Variants in PLXND1 observed in about 807,000 individuals in gnomAD.
The protein encoded by PLXND1 is plexin D1.
A neutral mutation model predicts 197.7 loss-of-function variants in PLXND1; 54 were observed. That is an observed-to-expected ratio of 0.27 (90% confidence interval 0.22 to 0.34). PLXND1 has a LOEUF of 0.34. PLXND1 is among the 10% of genes least tolerant of loss of function. PLXND1 has a pLI of 1.00. For synonymous variants in PLXND1, 1,180 were observed against 1,161.2 expected, an observed-to-expected ratio of 1.02 and a Z score of -0.33; for missense variants, 2,127 against 2,699.2, an observed-to-expected ratio of 0.79 and a Z score of 4.70.
chr3:129,584,316 G>A, intron 6 of PLXND1, 69 bp downstream of exon 6: 2 of 1,596,594 alleles, frequency 1.3e-6, no homozygotes, highest in Non-Finnish European at 1.7e-6. Flanking sequence ...CTGGCCCCCT[G>A]CCATCCCCAT....
intron 1 of PLXND1, among the ~76,000 whole-genome samples, chr3:129,601,551 A>G (rs983262213): frequency 6.6e-6 from 1 of 152,120 alleles, no homozygotes; most frequent in Non-Finnish European, 1.5e-5. Flanking sequence ...GTCCTGCCCC[A>G]TGTGCAGCCC....
intron 1 of PLXND1, among the ~76,000 whole-genome samples, chr3:129,590,210 G>A (rs2085519240): frequency 1.3e-5 from 2 of 152,250 alleles, no homozygotes; most frequent in African/African-American, 4.8e-5. Flanking sequence ...TGAATGCACA[G>A]TCCCATGTCC....
At chr3:129,605,114 C>T (rs1406705809) in intron 1 of PLXND1, among the ~76,000 whole-genome samples, 1 of 152,230 alleles carries the variant, frequency 6.6e-6, no homozygotes, top group African/African-American at 2.4e-5. Context: ...TCACTTGAGT[C>T]CCTGCACATG....
intron 11 of PLXND1, among the ~76,000 whole-genome samples, chr3:129,575,082 G>A (rs1053139229): frequency 7.9e-5 from 12 of 152,180 alleles, no homozygotes; most frequent in Non-Finnish European, 1.3e-4. Context: ...GAACAGAGGA[G>A]CCCCTGGAGA....
intron 2 of PLXND1, 28 bp downstream of exon 2, chr3:129,589,323 C>CCCCCCCAAA: frequency 9.6e-7 from 1 of 1,044,016 alleles, no homozygotes; most frequent in Non-Finnish European, 1.4e-6. Flanking sequence ...CACCCCCACC[C>CCCCCCCAAA]CCTCCCCACA....
chr3:129,561,043 C>T (rs1363208514), intron 29 of PLXND1: 10 of 515,564 alleles, frequency 1.9e-5, no homozygotes, highest in South Asian at 4.6e-5. Context: ...CACAGTGACC[C>T]GGGATGGAGG....
At chr3:129,598,306 T>C (rs766753622) in intron 1 of PLXND1, among the ~76,000 whole-genome samples, 1 of 151,992 alleles carries the variant, frequency 6.6e-6, no homozygotes, top group Non-Finnish European at 1.5e-5. Flanking sequence ...ATGAGCTGGT[T>C]AGTGTGTGGC....
chr3:129,605,446 G>A lies in PLXND1; in HGVS notation c.1194C>T (p.Ala398=). ...AGGCGGTGCGCGCAGCTCGGATGGC[G>A]GCTCGCACGTCGGCGAAGCGGAAGG... ...LCAFRFADVR[A]AIRAARTACF... is the part of the protein sequence containing the mutation. The change falls in exon 1 of 36, where the codon GCC becomes GCT. Residue 398 remains alanine (A), a synonymous_variant. Coordinates refer to ENST00000324093, the MANE Select transcript of PLXND1 (RefSeq NM_015103.3). 1 of 1,502,364 alleles carries A rather than the reference G, an allele frequency of 6.7e-7. No homozygotes were observed. Among genetic ancestry groups the A allele is most frequent in the Non-Finnish European group, 8.8e-7 (1 of 1,133,258 alleles). The allele number at this position is 1,502,364 out of a possible 1,614,324, so 93.1% of individuals were successfully genotyped here.
At chr3:129,572,052 T>A (rs1358744284) in intron 15 of PLXND1, among the ~76,000 whole-genome samples, 1 of 152,144 alleles carries the variant, frequency 6.6e-6, no homozygotes, top group Non-Finnish European at 1.5e-5. Context: ...CCAGGAAGCC[T>A]TCCCAGGTCT....
chr3:129,564,080 C>T (rs976514602), intron 25 of PLXND1, among the ~76,000 whole-genome samples: 1 of 152,224 alleles, frequency 6.6e-6, no homozygotes, highest in Non-Finnish European at 1.5e-5. Context: ...GGTCCAGGGT[C>T]CACAGTGGCC....
intron 5 of PLXND1, 47 bp from the exon 6 acceptor site, chr3:129,584,609 C>G: frequency 3.2e-6 from 5 of 1,544,104 alleles, no homozygotes; most frequent in Non-Finnish European, 4.4e-6. Context: ...CTATGCTCCT[C>G]ACAGCCTGCC....
At chr3:129,605,037 C>T (rs2085762894) in intron 1 of PLXND1, among the ~76,000 whole-genome samples, 1 of 152,208 alleles carries the variant, frequency 6.6e-6, no homozygotes, top group African/African-American at 2.4e-5. Flanking sequence ...TTTATGCGCA[C>T]CTGGGTACCT....
Position 129,589,525 on chromosome 3 carries a change from G to A in PLXND1, c.1314C>T (p.Leu438=). The change falls in exon 2 of 36, where the codon CTC becomes CTT. Residue 438 remains leucine, a splice_region_variant and synonymous_variant. Transcript: ENST00000324093. ...PACERKLNIQ[L]QPEQLDCGAA... ...CTCCACAGTCCAGCTGCTCTGGCTGGAGCTGGAAGAGGAACGGCACGTCAG... is the reference window on the plus strand; with the variant it reads ...CTCCACAGTCCAGCTGCTCTGGCTGAAGCTGGAAGAGGAACGGCACGTCAG... The A allele has an allele frequency of 6.3e-7, 1 of 1,576,918 alleles. No individual in the cohort carries two copies. The highest frequency in any genetic ancestry group is 8.6e-7 in the Non-Finnish European group (1 of 1,162,700).
At position 129,583,682 on chromosome 3, in the gene PLXND1, G is replaced by A; in HGVS notation, c.2139-13C>T. The stretch of plus-strand genomic sequence containing the variant: ...GCAGCTGGTACAGCTGGAAGACAAG[G>A]AGGCCCCTCAACTCCTGGTTCCCCA... On this transcript the variant is annotated splice_polypyrimidine_tract_variant and intron_variant, in intron 7 of 35. Coordinates refer to ENST00000324093, the MANE Select transcript of PLXND1 (RefSeq NM_015103.3). 6.3e-7 allele frequency: 1 copy of A among 1,591,918 alleles called. No individual in the cohort carries two copies. The highest frequency in any genetic ancestry group is 1.3e-5 in the African/African-American group (1 of 74,430).
In PLXND1 at chr3:129,599,274, G is replaced by A. The variant is rs552915920; in HGVS notation, c.1311+6055C>T. On this transcript the variant is annotated intron_variant, in intron 1 of 35. Coordinates refer to ENST00000324093, the MANE Select transcript of PLXND1 (RefSeq NM_015103.3). ...GGCGTTTCTGCCGGGCCCGATGCGCGTGGCCCTTGCTGAATGCCGCCAGGC... is the reference window on the plus strand; with the variant it reads ...GGCGTTTCTGCCGGGCCCGATGCGCATGGCCCTTGCTGAATGCCGCCAGGC... 3.9e-5 allele frequency among the ~76,000 whole-genome samples: 6 copies of A among 152,366 alleles called. No individual in the cohort carries two copies. In the East Asian group the frequency reaches 5.8e-4, roughly 15 times the overall value.
rs142760733 is a variant in PLXND1 at position 129,579,950 on chromosome 3, A to G, written c.2242-1517T>C. Reference sequence around the variant, plus strand: ...ACAAGAACTGATGACGATAATGCTAATAACAGTGGCAGTCACCAGCTCATC... The same window carrying G: ...ACAAGAACTGATGACGATAATGCTAGTAACAGTGGCAGTCACCAGCTCATC... On this transcript the variant is annotated intron_variant, in intron 8 of 35. Transcript: ENST00000324093. Among the ~76,000 whole-genome samples, 11 of 152,296 alleles carry G rather than the reference A, an allele frequency of 7.2e-5. No individual in the cohort carries two copies. In the East Asian group the frequency reaches 1.2e-3, roughly 16 times the overall value.
At chr3:129,588,974 C>T (rs1231629616) in intron 2 of PLXND1, among the ~76,000 whole-genome samples, 1 of 152,206 alleles carries the variant, frequency 6.6e-6, no homozygotes, top group African/African-American at 2.4e-5. Context: ...CAACAGCTTA[C>T]AGCCCTTGAC....
At chr3:129,569,525 T>G (rs1200824139) in intron 20 of PLXND1, 1 of 293,656 alleles carries the variant, frequency 3.4e-6, no homozygotes, top group Non-Finnish European at 6.5e-6. Context: ...TAATTTTTCC[T>G]GAGTAATCCT....
Position 129,572,854 on chromosome 3 carries a change from G to A in PLXND1, c.2925C>T (p.Arg975=), listed in dbSNP as rs2085256880. ...AGCCCCCCCTTACCACGTAGGAGAA[G>A]CGGTCCCGGGACTTGCCCTCCTTAG... ...NASKEGKSRD[R]FSYVLPLVHS... is the part of the protein sequence containing the mutation. Residue 975 remains arginine (R), a synonymous_variant, in exon 14 of 36, where the codon CGC becomes CGT. Transcript: ENST00000324093. 1 of 1,613,750 alleles carries A rather than the reference G, an allele frequency of 6.2e-7. No homozygotes were observed. The highest frequency in any genetic ancestry group is 8.5e-7 in the Non-Finnish European group (1 of 1,179,796).
Sources: allele counts gnomAD v4.1 joint callset (sites outside exome capture counted in the v4.1 genomes callset), GRCh38; gene constraint gnomAD v4.1.1; transcripts MANE v1.5; gene names NCBI Gene and HGNC (gene_info 2026-07-23, HGNC 2026-07-21).